The following DYNC1LI1 variants were observed in gnomAD, a reference collection of about 807,000 sequenced individuals.
DYNC1LI1 encodes the protein cytoplasmic dynein 1 light intermediate chain 1.
DYNC1LI1 carries 19 observed loss-of-function variants against 63.8 expected under a neutral mutation model. The ratio of observed to expected loss-of-function variants is 0.30; its 90% confidence interval spans 0.21 to 0.44. The LOEUF is 0.44. Among genes scored for constraint, DYNC1LI1 ranks in the 20% least tolerant of loss-of-function variants. DYNC1LI1 has a pLI of 1.00. For synonymous variants in DYNC1LI1, 225 were observed against 232.3 expected, an observed-to-expected ratio of 0.97 and a Z score of 0.28; for missense variants, 565 against 630.2, an observed-to-expected ratio of 0.90 and a Z score of 1.11.
chr3:32,562,591 T>C (rs1698208194), intron 2 of DYNC1LI1, among the ~76,000 whole-genome samples: 1 of 152,212 alleles, frequency 6.6e-6, no homozygotes, highest in Non-Finnish European at 1.5e-5. Flanking sequence ...CCTCCCAAAG[T>C]GCTAAGATTG....
In DYNC1LI1 at chr3:32,570,684, C is replaced by T. The variant is rs1462813217; in HGVS notation, c.87G>A (p.Glu29=). The T allele has an allele frequency of 6.2e-7, 1 of 1,607,324 alleles. No homozygotes were observed. Among genetic ancestry groups the T allele is most frequent in the African/African-American group, 1.3e-5 (1 of 74,418 alleles). Residue 29 remains glutamate, a synonymous_variant, in exon 1 of 13, where the codon GAG becomes GAA. Coordinates refer to ENST00000273130, the MANE Select transcript of DYNC1LI1 (RefSeq NM_016141.4). The part of the protein sequence containing the change: ...STYTGGPLGN[E]IASGNGGAAA... Reference sequence around the variant, plus strand: ...CGGCGCCACCGTTGCCCGACGCTATCTCGTTGCCCAAGGGGCCGCCAGTGT... The same window carrying T: ...CGGCGCCACCGTTGCCCGACGCTATTTCGTTGCCCAAGGGGCCGCCAGTGT...
At chr3:32,561,032 A>AAAAAC (rs1559444480) in intron 2 of DYNC1LI1, among the ~76,000 whole-genome samples, 1 of 118,766 alleles carries the variant, frequency 8.4e-6, no homozygotes, top group African/African-American at 3.7e-5. Context: ...AAAAAAAAAA[A>AAAAAC]ACAAACAAAA....
chr3:32,529,697 G>T (rs750600420), intron 10 of DYNC1LI1, 37 bp from the exon 11 acceptor site: 7 of 1,527,636 alleles, frequency 4.6e-6, no homozygotes, highest in Non-Finnish European at 6.2e-6. Context: ...ATAAAAACCT[G>T]AAACTTTCAT....
At chr3:32,555,334 T>A (rs561166711) in intron 2 of DYNC1LI1, among the ~76,000 whole-genome samples, 1 of 152,222 alleles carries the variant, frequency 6.6e-6, no homozygotes, top group Non-Finnish European at 1.5e-5. Flanking sequence ...TGTGTCTTGA[T>A]GGCAAATGCA....
intron 2 of DYNC1LI1, among the ~76,000 whole-genome samples, chr3:32,569,125 C>A (rs1698307279): frequency 6.6e-6 from 1 of 152,134 alleles, no homozygotes; most frequent in South Asian, 2.1e-4. Flanking sequence ...ATTATTATTT[C>A]TATAACAACC....
At chr3:32,537,822 T>C (rs1435660223) in intron 5 of DYNC1LI1, among the ~76,000 whole-genome samples, 1 of 132,376 alleles carries the variant, frequency 7.6e-6, no homozygotes, top group African/African-American at 2.8e-5. Flanking sequence ...TAATGGTCAT[T>C]ACACCTAATA....
chr3:32,554,894 G>C (rs970931183), intron 2 of DYNC1LI1, among the ~76,000 whole-genome samples: 10 of 104,792 alleles, frequency 9.5e-5, no homozygotes, highest in African/African-American at 3.9e-4. Context: ...TTTTGAGACA[G>C]ACTCTCACTT....
Position 32,540,993 on chromosome 3 carries a change from C to CCT in DYNC1LI1, c.738+42_738+43dup, listed in dbSNP as rs1354333189. ...CCTGGAAAACAAAACAGTTGTTCAT[C>CCT]CTCAGTGAATATCAGTTGCAGAATC... On this transcript the variant is annotated intron_variant, in intron 5 of 12. Coordinates refer to ENST00000273130, the MANE Select transcript of DYNC1LI1 (RefSeq NM_016141.4). 2.0e-6 allele frequency: 3 copies of CCT among 1,468,006 alleles called. No homozygotes were observed. The Admixed American group carries it at 6.3e-5, about 31-fold the overall frequency. 90.9% of individuals were successfully genotyped at this position (1,468,006 alleles called of 1,614,324 possible).
At chr3:32,566,077 G>A (rs1312932728) in intron 2 of DYNC1LI1, among the ~76,000 whole-genome samples, 1 of 152,094 alleles carries the variant, frequency 6.6e-6, no homozygotes, top group East Asian at 1.9e-4. Flanking sequence ...TTCAAGACCA[G>A]CTTGGGCAAC....
intron 3 of DYNC1LI1, chr3:32,545,454 C>A: frequency 3.0e-6 from 1 of 334,712 alleles, no homozygotes; most frequent in Non-Finnish European, 5.4e-6. Flanking sequence ...ATATCATATA[C>A]AAAAATGAGA....
At chr3:32,550,146 T>C (rs1023838868) in intron 2 of DYNC1LI1, among the ~76,000 whole-genome samples, 3 of 152,184 alleles carry the variant, frequency 2.0e-5, no homozygotes, top group Non-Finnish European at 4.4e-5. Flanking sequence ...TCAAAAATAC[T>C]ATTGGCCGGG....
intron 2 of DYNC1LI1, among the ~76,000 whole-genome samples, chr3:32,555,612 T>C (rs1698104612): frequency 6.6e-6 from 1 of 152,222 alleles, no homozygotes; most frequent in Non-Finnish European, 1.5e-5. Context: ...ACACCACTTA[T>C]AAGTGAGCAT....
intron 6 of DYNC1LI1, 38 bp downstream of exon 6, chr3:32,536,973 G>C (rs758909326): frequency 2.5e-6 from 3 of 1,184,348 alleles, no homozygotes; most frequent in Non-Finnish European, 3.7e-6. Context: ...AACAGGTAAA[G>C]TGATACACTG....
rs527993989 is a variant in DYNC1LI1 at position 32,556,245 on chromosome 3, C to A, written c.221-10280G>T. Among the ~76,000 whole-genome samples the A allele has an allele frequency of 3.3e-5, 5 of 152,330 alleles. No individual in the cohort carries two copies. The East Asian group carries it at 7.7e-4, about 24-fold the overall frequency. Reference sequence around the variant, plus strand: ...CTGGTCTCTAGGAAGCTTTCTTTGACTCCACATGTTTGGTTAAGTGCCCTC... The same window carrying A: ...CTGGTCTCTAGGAAGCTTTCTTTGAATCCACATGTTTGGTTAAGTGCCCTC... On this transcript the variant is annotated intron_variant, in intron 2 of 12. Coordinates refer to ENST00000273130, the MANE Select transcript of DYNC1LI1 (RefSeq NM_016141.4).
chr3:32,547,114 G>A (rs932028716), intron 2 of DYNC1LI1, among the ~76,000 whole-genome samples: 3 of 151,994 alleles, frequency 2.0e-5, no homozygotes, highest in Admixed American at 6.6e-5. Flanking sequence ...ACAGTGGCGC[G>A]CATCTGTAAT....
intron 2 of DYNC1LI1, among the ~76,000 whole-genome samples, chr3:32,549,081 C>T (rs573182067): frequency 1.3e-5 from 2 of 151,862 alleles, no homozygotes; most frequent in African/African-American, 4.8e-5. Flanking sequence ...ATTACTAAAC[C>T]CAACACTGGC....
intron 2 of DYNC1LI1, among the ~76,000 whole-genome samples, chr3:32,559,764 A>G (rs1159573179): frequency 6.6e-6 from 1 of 152,154 alleles, no homozygotes. Context: ...TCCTTATCCA[A>G]TTGAGATATC....
chr3:32,532,969 T>C lies in DYNC1LI1; in HGVS notation c.1080+17A>G, dbSNP rs1217891796. 19 of 1,560,030 alleles carry C rather than the reference T, an allele frequency of 1.2e-5. No homozygotes were observed. Among genetic ancestry groups the C allele is most frequent in the Non-Finnish European group, 1.6e-5 (19 of 1,163,154 alleles). Reference sequence around the variant, plus strand: ...GTCTAAAGTCTAAATATTGAGATTATTTACTAAAATGGTTACCTTTCGAAC... The same window carrying C: ...GTCTAAAGTCTAAATATTGAGATTACTTACTAAAATGGTTACCTTTCGAAC... On this transcript the variant is annotated intron_variant, in intron 8 of 12. Transcript: ENST00000273130.
rs376042131 is a variant in DYNC1LI1, at chr3:32,529,572, G to A, written c.1274C>T (p.Ala425Val). 5.0e-6 allele frequency: 8 copies of A among 1,607,802 alleles called. No individual in the cohort carries two copies. Among genetic ancestry groups the A allele is most frequent in the Non-Finnish European group, 6.8e-6 (8 of 1,177,016 alleles). ...SNVASVSPIPAGSKKIDPNMK... is the reference protein window; with the variant it reads ...SNVASVSPIPVGSKKIDPNMK... ...GTTTGGATCAATTTTTTTTGACCCA[G>A]CAGGAATGGGTGACACGCTGGCAAC... The change falls in exon 11 of 13, where the codon GCT (alanine) becomes GTT (valine). Residue 425 changes from alanine to valine, a missense_variant. Transcript: ENST00000273130.
Sources: allele counts gnomAD v4.1 joint callset (sites outside exome capture counted in the v4.1 genomes callset), GRCh38; gene constraint gnomAD v4.1.1; transcripts MANE v1.5; gene names NCBI Gene and HGNC (gene_info 2026-07-23, HGNC 2026-07-21).